EPN2: variants seen among roughly 807,000 people sequenced by gnomAD.
EPN2 encodes the protein epsin 2.
Under a neutral mutation model 61.7 loss-of-function variants are expected in EPN2, and 34 were observed. That is an observed-to-expected ratio of 0.55 (90% CI 0.42 to 0.73). The LOEUF is 0.73. EPN2 is among the 30% of genes least tolerant of loss of function. The probability of loss-of-function intolerance (pLI) is 0.00; values close to 1 mark genes in which losing one functional copy is unlikely to be tolerated. For missense variants in EPN2, 714 were observed against 839.2 expected, an observed-to-expected ratio of 0.85 and a Z score of 1.84; for synonymous variants, 349 against 353.6, an observed-to-expected ratio of 0.99 and a Z score of 0.15.
At chr17:19,281,351 A>G (rs1307725688) in intron 1 of EPN2, among the ~76,000 whole-genome samples, 8 of 152,146 alleles carry the variant, frequency 5.3e-5, no homozygotes, top group Admixed American at 5.2e-4. Flanking sequence ...GATTCCGAGG[A>G]TTTTAGGTTT....
chr17:19,324,082 GA>G (rs1489205780), intron 7 of EPN2, among the ~76,000 whole-genome samples: 1 of 152,228 alleles, frequency 6.6e-6, no homozygotes, highest in Non-Finnish European at 1.5e-5. Flanking sequence ...AGCAATTGGA[GA>G]ATACACATTC....
intron 6 of EPN2, among the ~76,000 whole-genome samples, chr17:19,312,723 A>T (rs1214586726): frequency 6.6e-6 from 1 of 152,062 alleles, no homozygotes; most frequent in African/African-American, 2.4e-5. Context: ...GGTGGTCTTG[A>T]GAGTGGGGAG....
intron 9 of EPN2, 21 bp downstream of exon 9, chr17:19,329,668 T>A: frequency 7.0e-7 from 1 of 1,437,196 alleles, no homozygotes; most frequent in South Asian, 1.2e-5. Flanking sequence ...GTGATGATGG[T>A]TTCCATAATC....
intron 1 of EPN2, chr17:19,248,611 T>G (rs1362210022): frequency 1.3e-5 from 2 of 152,250 alleles, no homozygotes; most frequent in East Asian, 3.8e-4. Flanking sequence ...AGTGTCATTG[T>G]AATATATGGT....
At chr17:19,250,959 C>A (rs370146994) in intron 1 of EPN2, among the ~76,000 whole-genome samples, 3 of 152,156 alleles carry the variant, frequency 2.0e-5, no homozygotes, top group East Asian at 3.9e-4. Context: ...ACCCAGGGCT[C>A]TACATTCTGC....
chr17:19,257,404 T>C (rs1369731706), intron 1 of EPN2, among the ~76,000 whole-genome samples: 2 of 152,204 alleles, frequency 1.3e-5, no homozygotes, highest in Non-Finnish European at 2.9e-5. Context: ...TCGGAAAGTA[T>C]GCCTAAGTAG....
At chr17:19,311,804 G>A (rs1380586577) in intron 5 of EPN2, among the ~76,000 whole-genome samples, 6 of 152,238 alleles carry the variant, frequency 3.9e-5, no homozygotes, top group Non-Finnish European at 8.8e-5. Flanking sequence ...CCAGTTTGGT[G>A]GTACCTGAGC....
chr17:19,329,970 C>G (rs991938706), intron 9 of EPN2, among the ~76,000 whole-genome samples: 2 of 152,204 alleles, frequency 1.3e-5, no homozygotes, highest in East Asian at 3.9e-4. Context: ...TGCCAATTTC[C>G]ACTCCTCAGA....
At chr17:19,244,222 GC>G (rs1162006464) in intron 1 of EPN2, among the ~76,000 whole-genome samples, 1 of 152,172 alleles carries the variant, frequency 6.6e-6, no homozygotes, top group Non-Finnish European at 1.5e-5. Flanking sequence ...GCACTGGGAG[GC>G]TGAGGCTGGT....
At chr17:19,246,085 G>T (rs1439879703) in intron 1 of EPN2, among the ~76,000 whole-genome samples, 2 of 152,148 alleles carry the variant, frequency 1.3e-5, no homozygotes, top group South Asian at 4.1e-4. Context: ...ATGTGGCTGG[G>T]CGTGGTGGCT....
At chr17:19,254,890 G>C (rs2045057638) in intron 1 of EPN2, among the ~76,000 whole-genome samples, 1 of 152,236 alleles carries the variant, frequency 6.6e-6, no homozygotes, top group African/African-American at 2.4e-5. Flanking sequence ...CATAGGCAAA[G>C]AGTCTGTGCC....
chr17:19,312,270 A>T (rs564600367), intron 6 of EPN2, 126 bp downstream of exon 6: 14 of 696,792 alleles, frequency 2.0e-5, no homozygotes, highest in Non-Finnish European at 3.6e-5. Context: ...AATAACCTTC[A>T]TGCCTGTAGT....
At chr17:19,244,457 C>CAA (rs1210669874) in intron 1 of EPN2, among the ~76,000 whole-genome samples, 8 of 95,630 alleles carry the variant, frequency 8.4e-5, no homozygotes, top group African/African-American at 2.3e-4. Context: ...TGACTCTTCT[C>CAA]AAAAAAAAAA....
Position 19,313,102 on chromosome 17 carries a change from A to C in EPN2, c.973-3A>C, listed in dbSNP as rs765442156. The C allele has an allele frequency of 1.9e-6, 3 of 1,612,828 alleles. No homozygotes were observed. The highest frequency in any genetic ancestry group is 2.5e-6 in the Non-Finnish European group (3 of 1,179,474). On this transcript the variant is annotated splice_region_variant and splice_polypyrimidine_tract_variant and intron_variant, in intron 6 of 10. Coordinates refer to ENST00000314728, the MANE Select transcript of EPN2 (RefSeq NM_014964.5). The stretch of plus-strand genomic sequence containing the variant: ...ACCTGTCCCCTTCTCTTTGTCTTAA[A>C]AGCATGGCTCTCTCCCACAGCAGAC...
chr17:19,300,777 A>G (rs1393077507), intron 4 of EPN2, among the ~76,000 whole-genome samples: 1 of 152,208 alleles, frequency 6.6e-6, no homozygotes, highest in Non-Finnish European at 1.5e-5. Flanking sequence ...ATCAGAAGCC[A>G]GCATGGTGAA....
At chr17:19,287,620 C>T (rs77119841) in intron 4 of EPN2, among the ~76,000 whole-genome samples, 3,648 of 152,192 alleles carry the variant, frequency 0.024, 150 homozygotes, top group African/African-American at 0.082. Context: ...TGGAAATCAG[C>T]AGTGGGAAGG....
chr17:19,253,938 C>G (rs1292027044), intron 1 of EPN2, among the ~76,000 whole-genome samples: 1 of 151,978 alleles, frequency 6.6e-6, no homozygotes, highest in Non-Finnish European at 1.5e-5. Context: ...TTGAGACCAG[C>G]TTGGCCAACA....
chr17:19,322,280 G>A (rs1051998367), intron 7 of EPN2, among the ~76,000 whole-genome samples: 86 of 152,324 alleles, frequency 5.6e-4, no homozygotes, highest in African/African-American at 2.0e-3. Flanking sequence ...GTATCCATGG[G>A]ATGTTGGGAA....
chr17:19,241,153 A>G (rs2044880323), intron 1 of EPN2, among the ~76,000 whole-genome samples: 1 of 152,224 alleles, frequency 6.6e-6, no homozygotes, highest in South Asian at 2.1e-4. Flanking sequence ...GGGGATGAAG[A>G]GACACACTGC....
Sources: allele counts gnomAD v4.1 joint callset (sites outside exome capture counted in the v4.1 genomes callset), GRCh38; gene constraint gnomAD v4.1.1; transcripts MANE v1.5; gene names NCBI Gene and HGNC (gene_info 2026-07-23, HGNC 2026-07-21).